ZNF521: variants seen among roughly 807,000 people sequenced by gnomAD.
ZNF521 encodes zinc finger protein 521.
In ZNF521, 14 loss-of-function variants were observed where a neutral mutation model predicts 105.5. The ratio of observed to expected loss-of-function variants is 0.13; its 90% CI spans 0.09 to 0.21. The LOEUF (loss-of-function observed/expected upper bound fraction) is 0.21. ZNF521 is among the 10% of genes least tolerant of loss of function. The pLI, the probability that ZNF521 is intolerant of heterozygous loss-of-function variation, is 1.00. For missense variants in ZNF521, 1,233 were observed against 1,629.7 expected (o/e 0.76, Z 4.19); for synonymous variants, 635 against 606.0 (o/e 1.05, Z -0.70).
At chr18:25,252,707 T>C (rs1016061830) in intron 3 of ZNF521, among the ~76,000 whole-genome samples, 6 of 152,164 alleles carry the variant, frequency 3.9e-5, no homozygotes, top group Non-Finnish European at 8.8e-5. Context: ...TCATAGTAAA[T>C]GGCAAAGGAG....
chr18:25,072,063 G>A lies in ZNF521; in HGVS notation c.3907-9322C>T, dbSNP rs552969834. ...AGCTGCAGATATGTCCGGCTGTGCCGGGAGGTAGGGAGTCAGTTCAAAAAC... is the reference window on the plus strand; with the variant it reads ...AGCTGCAGATATGTCCGGCTGTGCCAGGAGGTAGGGAGTCAGTTCAAAAAC... On this transcript the variant is annotated intron_variant, in intron 7 of 7. Coordinates refer to ENST00000361524, the MANE Select transcript of ZNF521 (RefSeq NM_015461.3). Among the ~76,000 whole-genome samples, 6 of 152,316 alleles carry A rather than the reference G, an allele frequency of 3.9e-5. No homozygotes were observed. The East Asian group carries it at 7.7e-4, about 20-fold the overall frequency.
At chr18:25,336,239 A>G (rs1418377890) in intron 2 of ZNF521, among the ~76,000 whole-genome samples, 1 of 152,090 alleles carries the variant, frequency 6.6e-6, no homozygotes, top group African/African-American at 2.4e-5. Context: ...CAAGAAGAAA[A>G]TGCTTGTAGA....
intron 5 of ZNF521, among the ~76,000 whole-genome samples, chr18:25,110,174 T>C (rs1185565201): frequency 6.6e-6 from 1 of 152,184 alleles, no homozygotes. Context: ...GTTTCCCATC[T>C]ACAGTCAGTT....
At chr18:25,246,190 G>A (rs553060569) in intron 3 of ZNF521, among the ~76,000 whole-genome samples, 11 of 151,942 alleles carry the variant, frequency 7.2e-5, no homozygotes, top group African/African-American at 2.2e-4. Context: ...AAACCTGCAC[G>A]TTGTGCACAT....
intron 5 of ZNF521, among the ~76,000 whole-genome samples, chr18:25,174,017 T>C (rs2035493064): frequency 6.6e-6 from 1 of 152,194 alleles, no homozygotes; most frequent in Non-Finnish European, 1.5e-5. Context: ...ACTCAAGAGT[T>C]AACATATTTT....
chr18:25,293,815 A>G (rs1158915045), intron 3 of ZNF521, among the ~76,000 whole-genome samples: 1 of 152,342 alleles, frequency 6.6e-6, no homozygotes, highest in Non-Finnish European at 1.5e-5. Flanking sequence ...CTACCAGAGG[A>G]TATTTTATGA....
At chr18:25,288,539 G>A (rs1600261531) in intron 3 of ZNF521, among the ~76,000 whole-genome samples, 1 of 129,516 alleles carries the variant, frequency 7.7e-6, no homozygotes, top group African/African-American at 3.0e-5. Flanking sequence ...TTCCTCTACT[G>A]TATTCATCAT....
intron 3 of ZNF521, among the ~76,000 whole-genome samples, chr18:25,284,639 A>C (rs1379535580): frequency 1.3e-5 from 2 of 152,190 alleles, no homozygotes; most frequent in Admixed American, 1.3e-4. Flanking sequence ...GGAAAGTAGC[A>C]ACACCACAAG....
chr18:25,082,606 C>T (rs529907301), intron 7 of ZNF521: 14 of 435,988 alleles, frequency 3.2e-5, no homozygotes, highest in East Asian at 1.5e-4. Context: ...GAGGCCAAGG[C>T]GGGTGGATTG....
chr18:25,255,543 A>G (rs982666777), intron 3 of ZNF521, among the ~76,000 whole-genome samples: 9 of 152,246 alleles, frequency 5.9e-5, no homozygotes, highest in African/African-American at 1.9e-4. Context: ...ATATAAAAGA[A>G]GTAAATATTT....
intron 5 of ZNF521, among the ~76,000 whole-genome samples, chr18:25,179,159 G>C (rs146428039): frequency 0.034 from 1,055 of 31,178 alleles, 20 homozygotes; most frequent in South Asian, 0.089. Flanking sequence ...TTTTTTTTTT[G>C]GTGGTGGTGG....
In ZNF521 at chr18:25,089,413, C is replaced by T; in HGVS notation, c.3906+52G>A. On this transcript the variant is annotated intron_variant, in intron 7 of 7. Coordinates refer to ENST00000361524, the MANE Select transcript of ZNF521 (RefSeq NM_015461.3). ...TCCAGATTTAAAATGCCCCTGTTTA[C>T]TATAAGAATAGCAACTGAGTTCAAT... 6 of 1,376,112 alleles carry T rather than the reference C, an allele frequency of 4.4e-6. No individual in the cohort carries two copies. In the South Asian group the frequency reaches 7.1e-5, roughly 16 times the overall value. The allele number at this position is 1,376,112 out of a possible 1,614,324, so 85.2% of individuals were successfully genotyped here. A position where few individuals can be genotyped will look rare whatever the true frequency, so the allele number is the denominator to read the frequency against.
At chr18:25,211,417 C>A (rs959380855) in intron 4 of ZNF521, among the ~76,000 whole-genome samples, 57 of 152,304 alleles carry the variant, frequency 3.7e-4, no homozygotes, top group African/African-American at 1.3e-3. Flanking sequence ...TGGACTCCTG[C>A]ACAGCCTCCT....
At chr18:25,217,653 T>C (rs1905418668) in intron 4 of ZNF521, among the ~76,000 whole-genome samples, 2 of 152,226 alleles carry the variant, frequency 1.3e-5, no homozygotes, top group African/African-American at 4.8e-5. Flanking sequence ...CTCCATGGCA[T>C]GATACCCATG....
rs569897359 is a variant in ZNF521, at chr18:25,062,115, C to G, written c.*597G>C. ...AAATGTATCCAGGGAAAAAAAAATT[C>G]TTTGACAGTCTACATAACAACTATT... On this transcript the variant is annotated 3_prime_UTR_variant, in exon 8 of 8. Coordinates refer to ENST00000361524, the MANE Select transcript of ZNF521 (RefSeq NM_015461.3). The G allele has an allele frequency of 8.8e-4, 177 of 201,030 alleles. No individual in the cohort carries two copies. The highest frequency in any genetic ancestry group is 1.1e-3 in the Non-Finnish European group (109 of 97,650). The allele number at this position is 201,030 out of a possible 1,614,324, so 12.5% of individuals were successfully genotyped here.
intron 7 of ZNF521, among the ~76,000 whole-genome samples, chr18:25,067,678 C>T (rs953243596): frequency 6.6e-5 from 10 of 152,164 alleles, no homozygotes; most frequent in Non-Finnish European, 1.5e-5. Context: ...TGAATTTTTG[C>T]ACCTACATCA....
At chr18:25,342,278 AC>A (rs1409989554) in intron 2 of ZNF521, among the ~76,000 whole-genome samples, 1 of 151,244 alleles carries the variant, frequency 6.6e-6, no homozygotes, top group East Asian at 1.9e-4. Flanking sequence ...ACAACCCCAA[AC>A]CCCCCTATGT....
At chr18:25,086,862 T>C (rs1241007811) in intron 7 of ZNF521, among the ~76,000 whole-genome samples, 1 of 152,182 alleles carries the variant, frequency 6.6e-6, no homozygotes, top group Non-Finnish European at 1.5e-5. Flanking sequence ...GAGTTGTGTG[T>C]TCTGCACTAA....
At chr18:25,222,825 G>C (rs1408305117) in intron 4 of ZNF521, among the ~76,000 whole-genome samples, 1 of 152,042 alleles carries the variant, frequency 6.6e-6, no homozygotes, top group Non-Finnish European at 1.5e-5. Flanking sequence ...TTTTAATTTA[G>C]TGAATTGCTT....
Sources: allele counts gnomAD v4.1 joint callset (sites outside exome capture counted in the v4.1 genomes callset), GRCh38; gene constraint gnomAD v4.1.1; transcripts MANE v1.5; gene names NCBI Gene and HGNC (gene_info 2026-07-23, HGNC 2026-07-21).